ACTR3C: variants seen among roughly 807,000 people sequenced by gnomAD.
The protein encoded by ACTR3C is actin related protein 3C, also known as actin-related protein 3C.
A neutral mutation model predicts 26.3 loss-of-function variants in ACTR3C; 18 were observed. The observed-to-expected ratio is 0.68, with a 90% CI of 0.47 to 1.01. The LOEUF (loss-of-function observed/expected upper bound fraction) is 1.01, where lower values mean the gene tolerates loss of function less well. Ranked by LOEUF, ACTR3C falls within the 50% of genes least tolerant of loss-of-function variation. The pLI is 0.00. For missense variants in ACTR3C, 184 were observed against 250.7 expected (o/e 0.73, Z 1.80); for synonymous variants, 55 against 94.5 (o/e 0.58, Z 2.42).
chr7:150,066,904 A>G, the ACTR3C span, among the ~76,000 whole-genome samples: 1 of 152,238 alleles, frequency 6.6e-6, no homozygotes, highest in Non-Finnish European at 1.5e-5. Flanking sequence ...ATTTGGTATC[A>G]GCACTTTGAA....
At chr7:150,071,000 T>C in the ACTR3C span, among the ~76,000 whole-genome samples, 1 of 146,206 alleles carries the variant, frequency 6.8e-6, no homozygotes, top group Non-Finnish European at 1.5e-5. Flanking sequence ...TTCACCATGT[T>C]AGCCAGGATG....
At chr7:150,073,213 G>A in the ACTR3C span, among the ~76,000 whole-genome samples, 1 of 152,210 alleles carries the variant, frequency 6.6e-6, no homozygotes, top group Non-Finnish European at 1.5e-5. Flanking sequence ...AGGACACAGC[G>A]AGAAGCCATC....
intron 6 of ACTR3C, among the ~76,000 whole-genome samples, chr7:150,266,932 C>T (rs748557491): frequency 5.3e-5 from 8 of 152,214 alleles, no homozygotes; most frequent in Non-Finnish European, 1.0e-4. Context: ...AGGGTAGATG[C>T]TGTAAGTACT....
At chr7:150,110,724 G>A in the ACTR3C span, among the ~76,000 whole-genome samples, 1 of 149,154 alleles carries the variant, frequency 6.7e-6, no homozygotes, top group Non-Finnish European at 1.5e-5. Context: ...CTGAGGGTGG[G>A]GCTTAGAAGG....
At chr7:150,064,644 T>TCACATA in the ACTR3C span, among the ~76,000 whole-genome samples, 1 of 99,400 alleles carries the variant, frequency 1.0e-5, no homozygotes, top group Non-Finnish European at 2.1e-5. Context: ...TTGTTTATTT[T>TCACATA]CACATACACA....
the ACTR3C span, among the ~76,000 whole-genome samples, chr7:150,177,969 A>G: frequency 6.6e-6 from 1 of 150,842 alleles, no homozygotes; most frequent in Admixed American, 6.6e-5. Flanking sequence ...AATAAAGGGG[A>G]CATTACAAAT....
chr7:150,016,502 C>T, the ACTR3C span, among the ~76,000 whole-genome samples: 2 of 152,072 alleles, frequency 1.3e-5, no homozygotes, highest in Non-Finnish European at 2.9e-5. Context: ...GCCTGTTCCT[C>T]GAACTGGCTT....
chr7:150,297,684 T>C (rs1795029726), intron 1 of ACTR3C, among the ~76,000 whole-genome samples: 2 of 152,216 alleles, frequency 1.3e-5, no homozygotes, highest in Admixed American at 1.3e-4. Context: ...AAACCCCATC[T>C]CTACTAAAAA....
At chr7:150,276,234 TTCC>T (rs1236672716) in intron 6 of ACTR3C, among the ~76,000 whole-genome samples, 5 of 152,102 alleles carry the variant, frequency 3.3e-5, no homozygotes, top group African/African-American at 1.2e-4. Flanking sequence ...AAAATTTTCA[TTCC>T]TGTAATACTA....
the ACTR3C span, among the ~76,000 whole-genome samples, chr7:149,888,275 A>G: frequency 3.3e-5 from 5 of 152,164 alleles, no homozygotes; most frequent in Non-Finnish European, 7.3e-5. Context: ...CATCTTTTAT[A>G]TGTCTTTGTG....
intron 3 of ACTR3C, among the ~76,000 whole-genome samples, chr7:150,290,452 C>T (rs1167008256): frequency 6.6e-6 from 1 of 152,080 alleles, no homozygotes; most frequent in Non-Finnish European, 1.5e-5. Flanking sequence ...TGCTGACCGT[C>T]AGAGTGGACA....
the ACTR3C span, among the ~76,000 whole-genome samples, chr7:149,983,013 A>G: frequency 2.6e-5 from 4 of 152,230 alleles, no homozygotes; most frequent in South Asian, 8.3e-4. Flanking sequence ...AGTGCCAATA[A>G]TACACGATGG....
At chr7:150,175,650 C>A in the ACTR3C span, among the ~76,000 whole-genome samples, 2 of 147,838 alleles carry the variant, frequency 1.4e-5, no homozygotes, top group Non-Finnish European at 1.5e-5. Flanking sequence ...CGGGTCTCTA[C>A]TAAAATGCAA....
At chr7:150,059,902 A>T in the ACTR3C span, among the ~76,000 whole-genome samples, 2 of 152,234 alleles carry the variant, frequency 1.3e-5, no homozygotes, top group Non-Finnish European at 2.9e-5. Context: ...GAACACTAGT[A>T]ATCAGAATAG....
chr7:150,119,776 T>C, the ACTR3C span, among the ~76,000 whole-genome samples: 1 of 152,212 alleles, frequency 6.6e-6, no homozygotes, highest in South Asian at 2.1e-4. Context: ...ATCAACAGAA[T>C]ATACATTCTT....
At chr7:150,306,143 C>G (rs1795791984) in intron 1 of ACTR3C, among the ~76,000 whole-genome samples, 1 of 152,206 alleles carries the variant, frequency 6.6e-6, no homozygotes, top group South Asian at 2.1e-4. Context: ...ACATTCATTG[C>G]AGGTACCCAT....
chr7:149,941,484 G>T, the ACTR3C span, among the ~76,000 whole-genome samples: 12 of 152,114 alleles, frequency 7.9e-5, no homozygotes, highest in African/African-American at 2.9e-4. Context: ...TTTAACAGAT[G>T]CAGCCTCTGA....
the ACTR3C span, among the ~76,000 whole-genome samples, chr7:150,194,519 C>G: frequency 6.6e-6 from 1 of 150,834 alleles, no homozygotes; most frequent in Non-Finnish European, 1.5e-5. Context: ...TCCAATCTGA[C>G]CATCTTTGCC....
chr7:150,235,435 T>C, the ACTR3C span, among the ~76,000 whole-genome samples: 3 of 152,242 alleles, frequency 2.0e-5, no homozygotes, highest in Admixed American at 1.3e-4. Flanking sequence ...CTCTGCAATG[T>C]AGCTGTTGCT....
Sources: allele counts gnomAD v4.1 joint callset (sites outside exome capture counted in the v4.1 genomes callset), GRCh38; gene constraint gnomAD v4.1.1; transcripts MANE v1.5; gene names NCBI Gene and HGNC (gene_info 2026-07-23, HGNC 2026-07-21).